Variants in PITPNM2 observed in about 807,000 individuals in gnomAD.
PITPNM2 encodes the protein membrane-associated phosphatidylinositol transfer protein 2.
PITPNM2 carries 35 observed loss-of-function variants against 132.2 expected under a neutral mutation model. The observed-to-expected ratio is 0.26, with a 90% confidence interval of 0.20 to 0.35. The LOEUF is 0.35. PITPNM2 is among the 10% of genes least tolerant of loss of function. The probability of loss-of-function intolerance (pLI) is 1.00; values close to 1 mark genes in which losing one functional copy is unlikely to be tolerated. For missense variants in PITPNM2, 1,332 were observed against 1,912.0 expected (o/e 0.70, Z 5.66); for synonymous variants, 738 against 799.2 (o/e 0.92, Z 1.29).
At chr12:123,030,528 C>T (rs938445320) in intron 3 of PITPNM2, among the ~76,000 whole-genome samples, 76 of 152,034 alleles carry the variant, frequency 5.0e-4, no homozygotes, top group African/African-American at 1.4e-3. Flanking sequence ...CCCGTCTCTA[C>T]TAAAAATACA....
chr12:122,988,859 C>T lies in PITPNM2; in HGVS notation c.2745G>A (p.Trp915Ter). 6.4e-7 allele frequency: 1 copy of T among 1,568,564 alleles called. No individual in the cohort carries two copies. Among genetic ancestry groups the T allele is most frequent in the Non-Finnish European group, 8.6e-7 (1 of 1,156,368 alleles). Residue 915 changes from tryptophan (W) to a stop codon, truncating the protein, a stop_gained, in exon 19 of 26, where the codon TGG becomes TGA. Transcript: ENST00000320201. LOFTEE classifies it high-confidence loss of function. ...CGTAGTCGATCCGCTTCTGGCCCCACCACTTTGCAGCGACTGCCAGGAGGG... is the reference window on the plus strand; with the variant it reads ...CGTAGTCGATCCGCTTCTGGCCCCATCACTTTGCAGCGACTGCCAGGAGGG... ...ELDIGEVAAK[W>*]WGQKRIDYAL...
At chr12:123,128,910 G>GT (rs1269514547) in intron 1 of PITPNM2, among the ~76,000 whole-genome samples, 2 of 152,092 alleles carry the variant, frequency 1.3e-5, no homozygotes, top group East Asian at 1.9e-4. Context: ...CCAAGAGGGC[G>GT]TATCACCTGA....
rs2136433746 is a variant in PITPNM2, at chr12:123,031,937, G to C, written c.78+2576C>G. On this transcript the variant is annotated intron_variant, in intron 3 of 25. Transcript: ENST00000320201. The surrounding 1 kb of genome is among the most constrained non-coding windows in gnomAD (Gnocchi z 4.5). ...ACAGTGTCTCTGCCTAGCTGGGGAG[G>C]ATGCCCATCTGTCCAACAAGCTCTC... 6.6e-6 allele frequency among the ~76,000 whole-genome samples: 1 copy of C among 152,284 alleles called. No homozygotes were observed. Among genetic ancestry groups the C allele is most frequent in the African/African-American group, 2.4e-5 (1 of 41,562 alleles).
chr12:122,990,709 G>A lies in PITPNM2; in HGVS notation c.2405C>T (p.Ala802Val), dbSNP rs752932434. ...TGCATTGTGGGTCTGGAGCACATCC[G>A]CTGCAGGTGGACAGGGACCAGAGGC... ...PLGDGCSTLL[A>V]DVLQTHNAAF... The change falls in exon 17 of 26, where the codon GCG becomes GTG. Residue 802 changes from alanine (A) to valine (V), a missense_variant and splice_region_variant. Ala to Val is a moderately conservative substitution (Grantham distance 64, BLOSUM62 0). This residue lies in a region of PITPNM2 where 710 missense variants were observed against 911.5 expected (regional missense o/e 0.78). Coordinates refer to ENST00000320201, the MANE Select transcript of PITPNM2 (RefSeq NM_020845.3). The A allele has an allele frequency of 7.5e-6, 12 of 1,600,360 alleles. No individual in the cohort carries two copies. Among genetic ancestry groups the A allele is most frequent in the Admixed American group, 1.7e-5 (1 of 59,292 alleles).
At position 123,000,554 on chromosome 12, in the gene PITPNM2, G is replaced by T; in HGVS notation, c.1224+224C>A. On this transcript the variant is annotated intron_variant, in intron 10 of 25. Coordinates refer to ENST00000320201, the MANE Select transcript of PITPNM2 (RefSeq NM_020845.3). This position sits in a 1 kb window ranked among gnomAD's most constrained non-coding sequence, Gnocchi z 5.4. The stretch of plus-strand genomic sequence containing the variant: ...AAGGCTTTCTCAGGGGTTGTCTGTA[G>T]TCCCTGGTTCTCGGGGACCTCAGAG... 1.5e-6 allele frequency: 1 copy of T among 680,748 alleles called. No homozygotes were observed. Among genetic ancestry groups the T allele is most frequent in the Non-Finnish European group, 2.7e-6 (1 of 374,236 alleles). 42.2% of individuals were successfully genotyped at this position (680,748 alleles called of 1,614,324 possible).
chr12:122,996,585 G>A lies in PITPNM2; in HGVS notation c.1663-8C>T, dbSNP rs1270536370. The stretch of plus-strand genomic sequence containing the variant: ...GTCCCCAATCAGGCAGACCTTGGGA[G>A]AGAGGGGCCAGAGGCCTGAGCCATT... On this transcript the variant is annotated splice_region_variant and splice_polypyrimidine_tract_variant and intron_variant, in intron 12 of 25. Coordinates refer to ENST00000320201, the MANE Select transcript of PITPNM2 (RefSeq NM_020845.3). The A allele has an allele frequency of 6.2e-7, 1 of 1,613,090 alleles. No individual in the cohort carries two copies. Among genetic ancestry groups the A allele is most frequent in the Non-Finnish European group, 8.5e-7 (1 of 1,179,982 alleles).
At position 123,000,588 on chromosome 12, in the gene PITPNM2, C is replaced by T. The variant is rs920564564; in HGVS notation, c.1224+190G>A. 15 of 679,688 alleles carry T rather than the reference C, an allele frequency of 2.2e-5. No individual in the cohort carries two copies. Among genetic ancestry groups the T allele is most frequent in the African/African-American group, 1.3e-4 (7 of 55,686 alleles). The allele number at this position is 679,688 out of a possible 1,614,324, so 42.1% of individuals were successfully genotyped here. The stretch of plus-strand genomic sequence containing the variant: ...TCTCGGGGACCTCAGAGACAGAGGG[C>T]GACAGGCGCCTTCCTAGCAGGGCAG... On this transcript the variant is annotated intron_variant, in intron 10 of 25. Transcript: ENST00000320201. This position sits in a 1 kb window ranked among gnomAD's most constrained non-coding sequence, Gnocchi z 5.4.
intron 8 of PITPNM2, among the ~76,000 whole-genome samples, chr12:123,001,793 G>C (rs2038693063): frequency 6.6e-6 from 1 of 152,200 alleles, no homozygotes; most frequent in Non-Finnish European, 1.5e-5. Context: ...CACTCTGGGA[G>C]GCTGAGGTGG....
chr12:123,086,800 C>T (rs536574745), intron 2 of PITPNM2, among the ~76,000 whole-genome samples: 81 of 152,264 alleles, frequency 5.3e-4, no homozygotes, highest in African/African-American at 1.7e-3. Flanking sequence ...GAGTCTCTGG[C>T]GTGCAGAGGC....
Position 122,989,950 on chromosome 12 carries a change from T to A in PITPNM2, c.2570-2A>T, listed in dbSNP as rs371684981. The A allele has an allele frequency of 6.1e-5, 79 of 1,301,338 alleles. No individual in the cohort carries two copies. Among genetic ancestry groups the A allele is most frequent in the Non-Finnish European group, 7.3e-5 (75 of 1,020,518 alleles). 80.6% of individuals were successfully genotyped at this position (1,301,338 alleles called of 1,614,324 possible). A position where few individuals can be genotyped will look rare whatever the true frequency, so the allele number is the denominator to read the frequency against. On this transcript the variant is annotated splice_acceptor_variant, in intron 17 of 25. Transcript: ENST00000320201. LOFTEE classifies it high-confidence loss of function. Reference sequence around the variant, plus strand: ...TATGGCTGAGCGCATCGGGGGCCTCTGAGAAGCAAGAGCAATGGATGGCTC... The same window carrying A: ...TATGGCTGAGCGCATCGGGGGCCTCAGAGAAGCAAGAGCAATGGATGGCTC...
chr12:123,114,857 C>T (rs2042905325), intron 1 of PITPNM2, among the ~76,000 whole-genome samples: 1 of 152,238 alleles, frequency 6.6e-6, no homozygotes, highest in Non-Finnish European at 1.5e-5. Context: ...ACTACCGCTG[C>T]TTCACCTCAC....
chr12:123,075,323 G>A (rs568609821), intron 2 of PITPNM2, among the ~76,000 whole-genome samples: 6 of 152,308 alleles, frequency 3.9e-5, no homozygotes, highest in South Asian at 4.1e-4. Context: ...AGCTAGGCAC[G>A]GGCTGGGCGG....
At chr12:123,112,656 A>C (rs557208980) in intron 1 of PITPNM2, among the ~76,000 whole-genome samples, 1 of 150,812 alleles carries the variant, frequency 6.6e-6, no homozygotes, top group East Asian at 2.0e-4. Context: ...CTCCTGCCTC[A>C]GCCTCCTGAG....
chr12:123,031,388 C>T lies in PITPNM2; in HGVS notation c.78+3125G>A, dbSNP rs1025861419. Among the ~76,000 whole-genome samples, 19 of 152,192 alleles carry T rather than the reference C, an allele frequency of 1.2e-4. No individual in the cohort carries two copies. Among genetic ancestry groups the T allele is most frequent in the Non-Finnish European group, 2.2e-4 (15 of 68,040 alleles). On this transcript the variant is annotated intron_variant, in intron 3 of 25. Coordinates refer to ENST00000320201, the MANE Select transcript of PITPNM2 (RefSeq NM_020845.3). The surrounding 1 kb of genome is among the most constrained non-coding windows in gnomAD (Gnocchi z 4.5). ...GGAGGCCAGAACCCAGCGATGCATC[C>T]GCCTGTCTAAGACCCAGCTGGGGCA...
chr12:122,995,285 G>A (rs376210218), intron 14 of PITPNM2, 104 bp downstream of exon 14: 9 of 1,462,494 alleles, frequency 6.2e-6, no homozygotes, highest in Non-Finnish European at 8.1e-6. Context: ...GGAACCTCAG[G>A]CAGACAGCCC....
intron 1 of PITPNM2, among the ~76,000 whole-genome samples, chr12:123,114,164 A>G (rs976287132): frequency 4.6e-5 from 7 of 152,110 alleles, no homozygotes; most frequent in Non-Finnish European, 1.0e-4. Context: ...TCGCTGTACA[A>G]ATTTTTGTGT....
In PITPNM2 at chr12:123,064,122, A is replaced by G. The variant is rs1283540193; in HGVS notation, c.-95-29437T>C. On this transcript the variant is annotated intron_variant, in intron 2 of 25. Coordinates refer to ENST00000320201, the MANE Select transcript of PITPNM2 (RefSeq NM_020845.3). This position sits in a 1 kb window ranked among gnomAD's most constrained non-coding sequence, Gnocchi z 4.0. ...CTAGGGGAAACAAATCATTGATATC[A>G]TTTTGTCACTATGCATTATTGCCAG... is the stretch of plus-strand genomic sequence containing the variant. 6.6e-6 allele frequency among the ~76,000 whole-genome samples: 1 copy of G among 152,146 alleles called. No homozygotes were observed. The highest frequency in any genetic ancestry group is 1.5e-5 in the Non-Finnish European group (1 of 68,030).
At chr12:123,049,417 C>T (rs550034311) in intron 2 of PITPNM2, among the ~76,000 whole-genome samples, 32 of 152,278 alleles carry the variant, frequency 2.1e-4, no homozygotes, top group East Asian at 7.7e-4. Flanking sequence ...TCTGCCTGCT[C>T]GTGAGCCATA....
rs2042447511 is a variant in PITPNM2, at chr12:123,097,708, G to A, written c.-96+12677C>T. On this transcript the variant is annotated intron_variant, in intron 2 of 25. Coordinates refer to ENST00000320201, the MANE Select transcript of PITPNM2 (RefSeq NM_020845.3). The surrounding 1 kb of genome is among the most constrained non-coding windows in gnomAD (Gnocchi z 4.7). ...CTTCCACTGGGGTTTTTCAATCTGT[G>A]CCTATATTTATCGCCCAAAGCCGCT... Among the ~76,000 whole-genome samples, 1 of 152,148 alleles carries A rather than the reference G, an allele frequency of 6.6e-6. No homozygotes were observed. The highest frequency in any genetic ancestry group is 2.1e-4 in the South Asian group (1 of 4,820).
Sources: gnomAD v4.1 joint callset for allele counts (sites outside exome capture counted in the v4.1 genomes callset) on GRCh38, gnomAD v4.1.1 for gene constraint, gnomAD v4.1.1 regional missense constraint, Gnocchi (gnomAD v3.1) non-coding constraint, MANE v1.5 for transcripts, NCBI Gene and HGNC (gene_info 2026-07-23, HGNC 2026-07-21) for gene names.